The following CFAP299 variants were observed in gnomAD, a reference collection of about 807,000 sequenced individuals.
CFAP299 encodes cilia- and flagella-associated protein 299.
Under a neutral mutation model 27.0 loss-of-function variants are expected in CFAP299, and 21 were observed. The observed-to-expected ratio is 0.78, with a 90% confidence interval of 0.55 to 1.12. CFAP299 has a LOEUF of 1.12. Ranked by LOEUF, CFAP299 falls within the 50% of genes most tolerant of loss-of-function variation. The pLI, the probability that CFAP299 is intolerant of heterozygous loss-of-function variation, is 0.00. For synonymous variants in CFAP299, 104 were observed against 98.1 expected (o/e 1.06, Z -0.36); for missense variants, 310 against 276.6 (o/e 1.12, Z -0.86).
intron 2 of CFAP299, among the ~76,000 whole-genome samples, chr4:80,369,714 G>A (rs766061761): frequency 6.6e-6 from 1 of 152,214 alleles, no homozygotes; most frequent in Non-Finnish European, 1.5e-5. Context: ...GTGCCTAAGT[G>A]GCAGCCATAG....
intron 2 of CFAP299, among the ~76,000 whole-genome samples, chr4:80,463,888 T>A (rs1729578674): frequency 6.6e-6 from 1 of 152,130 alleles, no homozygotes; most frequent in Non-Finnish European, 1.5e-5. Flanking sequence ...CATGTATAAC[T>A]TCACATGCAC....
intron 2 of CFAP299, among the ~76,000 whole-genome samples, chr4:80,445,600 CA>C (rs1728580559): frequency 6.6e-6 from 1 of 152,038 alleles, no homozygotes; most frequent in Admixed American, 6.5e-5. Context: ...TGGAGCAAAC[CA>C]CCATGGCACA....
intron 1 of CFAP299, among the ~76,000 whole-genome samples, chr4:80,354,803 A>G (rs563300760): frequency 5.4e-4 from 82 of 152,254 alleles, no homozygotes; most frequent in Admixed American, 4.3e-3. Flanking sequence ...TTAGTTTGCT[A>G]AGAATAATGG....
At chr4:80,416,583 A>T (rs1213107360) in intron 2 of CFAP299, among the ~76,000 whole-genome samples, 1 of 152,232 alleles carries the variant, frequency 6.6e-6, no homozygotes, top group African/African-American at 2.4e-5. Context: ...AGATATTTTC[A>T]TATATTTATC....
chr4:80,508,283 TA>T (rs1262666664), intron 2 of CFAP299, among the ~76,000 whole-genome samples: 1 of 152,192 alleles, frequency 6.6e-6, no homozygotes, highest in African/African-American at 2.4e-5. Flanking sequence ...TGTTCAATGA[TA>T]AAATTGTGCT....
chr4:80,871,227 CT>C, intron 4 of CFAP299: 1 of 985,444 alleles, frequency 1.0e-6, no homozygotes, highest in Non-Finnish European at 1.2e-6. Flanking sequence ...CTGTAATGGA[CT>C]TAGCTCTTTC....
At chr4:80,926,191 A>G (rs551342737) in intron 4 of CFAP299, among the ~76,000 whole-genome samples, 7 of 152,204 alleles carry the variant, frequency 4.6e-5, no homozygotes, top group Middle Eastern at 3.4e-3. Flanking sequence ...AGAAATGCAC[A>G]TAGTAGAAAA....
chr4:80,369,592 C>G (rs996035493), intron 2 of CFAP299, among the ~76,000 whole-genome samples: 2 of 152,088 alleles, frequency 1.3e-5, no homozygotes, highest in Non-Finnish European at 2.9e-5. Flanking sequence ...TGTATTCTTC[C>G]CTATCCCCAT....
chr4:80,347,529 C>A (rs1722794876), intron 1 of CFAP299, among the ~76,000 whole-genome samples: 1 of 152,136 alleles, frequency 6.6e-6, no homozygotes, highest in Admixed American at 6.6e-5. Context: ...CTCTCATTTA[C>A]AATTGCTATA....
chr4:80,350,545 A>G (rs1722964263), intron 1 of CFAP299, among the ~76,000 whole-genome samples: 1 of 152,212 alleles, frequency 6.6e-6, no homozygotes, highest in Non-Finnish European at 1.5e-5. Context: ...AAATGCCACC[A>G]ATGATATACT....
At chr4:80,486,091 A>G (rs1730807744) in intron 2 of CFAP299, among the ~76,000 whole-genome samples, 1 of 152,058 alleles carries the variant, frequency 6.6e-6, no homozygotes, top group Non-Finnish European at 1.5e-5. Flanking sequence ...CACCACACCC[A>G]GCTGAAATTC....
chr4:80,832,665 G>C (rs185033741), intron 3 of CFAP299, among the ~76,000 whole-genome samples: 25 of 152,186 alleles, frequency 1.6e-4, no homozygotes, highest in Non-Finnish European at 2.5e-4. Context: ...TTAAGTAGAT[G>C]ATTTTTATTT....
chr4:80,561,963 T>C (rs1735055121), intron 2 of CFAP299, among the ~76,000 whole-genome samples: 1 of 152,066 alleles, frequency 6.6e-6, no homozygotes, highest in Admixed American at 6.6e-5. Flanking sequence ...ACATGGACAA[T>C]GTGGTAAGAT....
intron 2 of CFAP299, among the ~76,000 whole-genome samples, chr4:80,421,054 GA>G (rs1010616389): frequency 7.9e-5 from 12 of 152,048 alleles, no homozygotes; most frequent in Admixed American, 6.6e-4. Flanking sequence ...CACCAAGAAG[GA>G]AATGACCTCT....
intron 3 of CFAP299, among the ~76,000 whole-genome samples, chr4:80,822,477 A>G (rs1729757908): frequency 6.6e-6 from 1 of 152,194 alleles, no homozygotes; most frequent in Non-Finnish European, 1.5e-5. Flanking sequence ...AATAATTAAC[A>G]TCTTTAAGGA....
intron 3 of CFAP299, among the ~76,000 whole-genome samples, chr4:80,753,016 A>ATATT (rs1403197051): frequency 6.6e-6 from 1 of 151,998 alleles, no homozygotes; most frequent in Non-Finnish European, 1.5e-5. Context: ...TTGTATTGTA[A>ATATT]AGCAAATGCA....
chr4:80,577,045 A>G (rs1316892585), intron 2 of CFAP299, among the ~76,000 whole-genome samples: 1 of 152,110 alleles, frequency 6.6e-6, no homozygotes, highest in African/African-American at 2.4e-5. Context: ...CTACACCCCT[A>G]CTGATTTATG....
chr4:80,695,462 G>A (rs1721028100), intron 3 of CFAP299, among the ~76,000 whole-genome samples: 1 of 152,118 alleles, frequency 6.6e-6, no homozygotes. Flanking sequence ...GGACAAAGCT[G>A]TGTCCTACTC....
At chr4:80,773,329 T>C (rs1306281150) in intron 3 of CFAP299, among the ~76,000 whole-genome samples, 3 of 152,116 alleles carry the variant, frequency 2.0e-5, no homozygotes, top group Non-Finnish European at 4.4e-5. Context: ...GTAAAGTATA[T>C]AGGGTGTGAG....
Sources: gnomAD v4.1 joint callset for allele counts (sites outside exome capture counted in the v4.1 genomes callset) on GRCh38, gnomAD v4.1.1 for gene constraint, MANE v1.5 for transcripts, NCBI Gene and HGNC (gene_info 2026-07-23, HGNC 2026-07-21) for gene names.